KIAA1217: variants seen among roughly 807,000 people sequenced by gnomAD.
KIAA1217 encodes the protein sickle tail protein homolog.
KIAA1217 carries 88 observed loss-of-function variants against 163.9 expected under a neutral mutation model. The ratio of observed to expected loss-of-function variants is 0.54; its 90% CI spans 0.45 to 0.64. The LOEUF is 0.64. Ranked by LOEUF, KIAA1217 falls within the 30% of genes least tolerant of loss-of-function variation. KIAA1217 has a pLI of 0.00. For missense variants in KIAA1217, 2,372 were observed against 2,475.0 expected (o/e 0.96, Z 0.88); for synonymous variants, 903 against 923.1 (o/e 0.98, Z 0.39).
At chr10:24,031,967 T>C (rs934521878) in intron 2 of KIAA1217, among the ~76,000 whole-genome samples, 4 of 152,170 alleles carry the variant, frequency 2.6e-5, no homozygotes, top group African/African-American at 4.8e-5. Flanking sequence ...AATCAGAGCA[T>C]TGGAAACTAC....
At chr10:23,995,629 A>G (rs557393564) in intron 1 of KIAA1217, among the ~76,000 whole-genome samples, 1 of 152,314 alleles carries the variant, frequency 6.6e-6, no homozygotes, top group East Asian at 1.9e-4. Flanking sequence ...GATACCCGGG[A>G]ATAGATACAG....
chr10:23,741,485 G>A (rs931972165), intron 1 of KIAA1217, among the ~76,000 whole-genome samples: 3 of 152,112 alleles, frequency 2.0e-5, no homozygotes, highest in African/African-American at 7.2e-5. Flanking sequence ...TCAAGGCAAG[G>A]GAAATAAAGA....
At position 23,728,783 on chromosome 10, in the gene KIAA1217, A is replaced by G. The variant is rs77413555; in HGVS notation, c.-321+33549A>G. Among the ~76,000 whole-genome samples, 178 of 152,280 alleles carry G rather than the reference A, an allele frequency of 1.2e-3. 13 individuals carry two copies. The East Asian group carries it at 0.027, about 23-fold the overall frequency. ...TAGAGCAGTTTTAAGCTTACAGCAA[A>G]ACTGAGTGGAATTATATACAAAGAT... is the stretch of plus-strand genomic sequence containing the variant. On this transcript the variant is annotated intron_variant, in intron 1 of 18. Transcript: ENST00000376462.
At chr10:24,249,607 C>G (rs1402882548) in intron 2 of KIAA1217, among the ~76,000 whole-genome samples, 2 of 152,126 alleles carry the variant, frequency 1.3e-5, no homozygotes, top group African/African-American at 4.8e-5. Flanking sequence ...TTTATTCATG[C>G]CAATGCAATA....
intron 2 of KIAA1217, among the ~76,000 whole-genome samples, chr10:24,259,758 G>A (rs1003503574): frequency 6.6e-6 from 1 of 152,132 alleles, no homozygotes; most frequent in South Asian, 2.1e-4. Flanking sequence ...TGACAGACAC[G>A]GGGGAACCTG....
At chr10:24,472,220 T>C (rs887744451) in intron 5 of KIAA1217, among the ~76,000 whole-genome samples, 7 of 152,014 alleles carry the variant, frequency 4.6e-5, no homozygotes, top group African/African-American at 1.7e-4. Flanking sequence ...CTCTCAGGAG[T>C]GGCAGGGGAG....
intron 5 of KIAA1217, among the ~76,000 whole-genome samples, chr10:24,455,642 A>G (rs76892939): frequency 0.083 from 12,610 of 152,256 alleles, 646 homozygotes; most frequent in East Asian, 0.18. Flanking sequence ...GGCCACAGAC[A>G]AGTAATGACA....
intron 2 of KIAA1217, among the ~76,000 whole-genome samples, chr10:24,165,735 T>A (rs1348750271): frequency 6.6e-6 from 1 of 152,224 alleles, no homozygotes; most frequent in Non-Finnish European, 1.5e-5. Flanking sequence ...TGACAGGGCA[T>A]GGTTGAAGGC....
At chr10:24,509,814 G>C (rs897732662) in intron 9 of KIAA1217, among the ~76,000 whole-genome samples, 1 of 151,966 alleles carries the variant, frequency 6.6e-6, no homozygotes, top group African/African-American at 2.4e-5. Context: ...TGACAATAAA[G>C]TAAGTTGAAG....
At chr10:24,431,499 G>A (rs1564666101) in intron 3 of KIAA1217, among the ~76,000 whole-genome samples, 1 of 152,134 alleles carries the variant, frequency 6.6e-6, no homozygotes, top group African/African-American at 2.4e-5. Flanking sequence ...TGGGGCTGGG[G>A]AGACCACTCC....
chr10:24,283,116 A>T (rs971801898), intron 2 of KIAA1217, among the ~76,000 whole-genome samples: 2 of 151,672 alleles, frequency 1.3e-5, no homozygotes, highest in Non-Finnish European at 2.9e-5. Flanking sequence ...TACAGGCATG[A>T]GCCACCGCAA....
At chr10:23,846,684 AGACAATTT>A (rs1361177692) in intron 1 of KIAA1217, among the ~76,000 whole-genome samples, 4 of 152,108 alleles carry the variant, frequency 2.6e-5, no homozygotes, top group Non-Finnish European at 5.9e-5. Context: ...CTGCAAACAG[AGACAATTT>A]GACTTCCTCT....
At chr10:23,885,484 A>G (rs1841131368) in intron 1 of KIAA1217, among the ~76,000 whole-genome samples, 1 of 152,052 alleles carries the variant, frequency 6.6e-6, no homozygotes. Context: ...AAGGTGAAGG[A>G]CTTCGCCTGG....
intron 2 of KIAA1217, among the ~76,000 whole-genome samples, chr10:24,265,997 G>C (rs1384312532): frequency 1.3e-5 from 2 of 151,936 alleles, no homozygotes; most frequent in African/African-American, 2.4e-5. Context: ...AAGAGAAAAG[G>C]GCAGAAAGAT....
intron 12 of KIAA1217, among the ~76,000 whole-genome samples, 198 bp from the exon 13 acceptor site, chr10:24,524,125 C>T (rs542085209): frequency 1.3e-5 from 2 of 152,122 alleles, no homozygotes; most frequent in Non-Finnish European, 2.9e-5. Flanking sequence ...TACCCACCCC[C>T]CAAACAATGA....
At chr10:24,538,602 AAGGAAAAAGAGAGGAAGGAAAAAGAG>A (rs1466349732) in intron 17 of KIAA1217, among the ~76,000 whole-genome samples, 4,784 of 69,958 alleles carry the variant, frequency 0.068, 134 homozygotes, top group Non-Finnish European at 0.089. Context: ...GGAAGGAAGG[AAGGAAAAAGAGAGGAAGGAAAAAGAG>A]AGGAAGGAAA....
intron 1 of KIAA1217, among the ~76,000 whole-genome samples, chr10:23,898,216 A>T (rs891850924): frequency 6.6e-6 from 1 of 152,004 alleles, no homozygotes; most frequent in Non-Finnish European, 1.5e-5. Context: ...TCAGTTCTGT[A>T]TACTCCATCA....
At chr10:24,474,161 C>T (rs985557288) in intron 6 of KIAA1217, 101 bp downstream of exon 6, 2 of 830,638 alleles carry the variant, frequency 2.4e-6, no homozygotes, top group Non-Finnish European at 3.7e-6. Flanking sequence ...TCTGAGCACC[C>T]ATCTCTGCAG....
At chr10:24,483,755 CT>C (rs2133378114) in intron 6 of KIAA1217, among the ~76,000 whole-genome samples, 1 of 152,286 alleles carries the variant, frequency 6.6e-6, no homozygotes, top group South Asian at 2.1e-4. Flanking sequence ...CTATTCCTAC[CT>C]GTTTGTACCT....
Sources: gnomAD v4.1 joint callset for allele counts (sites outside exome capture counted in the v4.1 genomes callset) on GRCh38, gnomAD v4.1.1 for gene constraint, MANE v1.5 for transcripts, NCBI Gene and HGNC (gene_info 2026-07-23, HGNC 2026-07-21) for gene names.